STK3: variants seen among roughly 807,000 people sequenced by gnomAD.
STK3 encodes serine/threonine kinase 3, also known as serine/threonine-protein kinase 3.
A neutral mutation model predicts 58.0 loss-of-function variants in STK3; 41 were observed. The ratio of observed to expected loss-of-function variants is 0.71; its 90% confidence interval spans 0.55 to 0.92. The LOEUF is 0.92. Ranked by LOEUF, STK3 falls within the 40% of genes least tolerant of loss-of-function variation. STK3 has a pLI of 0.00. For missense variants in STK3, 479 were observed against 602.7 expected, an observed-to-expected ratio of 0.79 and a Z score of 2.15; for synonymous variants, 170 against 191.0, an observed-to-expected ratio of 0.89 and a Z score of 0.91.
intron 1 of STK3, among the ~76,000 whole-genome samples, chr8:98,925,656 T>C (rs1839761494): frequency 6.6e-6 from 1 of 152,198 alleles, no homozygotes; most frequent in African/African-American, 2.4e-5. Context: ...GTTGTATTGT[T>C]GTTGGCCCAA....
intron 7 of STK3, among the ~76,000 whole-genome samples, chr8:98,588,458 T>G (rs374533586): frequency 3.3e-5 from 5 of 151,444 alleles, no homozygotes; most frequent in African/African-American, 1.2e-4. Flanking sequence ...GGGTTTCTGC[T>G]GAGAGATCCG....
intron 3 of STK3, among the ~76,000 whole-genome samples, chr8:98,848,060 T>C (rs1836278761): frequency 6.6e-6 from 1 of 152,192 alleles, no homozygotes; most frequent in African/African-American, 2.4e-5. Context: ...TATAGAGATA[T>C]AATTTCCATG....
At chr8:98,641,530 CAT>C (rs886742914) in intron 6 of STK3, among the ~76,000 whole-genome samples, 2 of 152,256 alleles carry the variant, frequency 1.3e-5, no homozygotes, top group South Asian at 2.1e-4. Flanking sequence ...TAGTGCTTAA[CAT>C]ATATTAGTGA....
chr8:98,806,681 A>G (rs1220556764), intron 1 of STK3, among the ~76,000 whole-genome samples: 3 of 152,270 alleles, frequency 2.0e-5, no homozygotes, highest in East Asian at 3.9e-4. Context: ...TTTCCCAAGT[A>G]TCCTCACAAT....
At chr8:98,492,979 C>T (rs1430609045) in intron 10 of STK3, among the ~76,000 whole-genome samples, 2 of 152,002 alleles carry the variant, frequency 1.3e-5, no homozygotes, top group Non-Finnish European at 2.9e-5. Context: ...ACCTGTAATC[C>T]CAGCACTTTG....
At chr8:98,738,630 C>T (rs1340563206) in intron 4 of STK3, among the ~76,000 whole-genome samples, 1 of 152,168 alleles carries the variant, frequency 6.6e-6, no homozygotes, top group African/African-American at 2.4e-5. Flanking sequence ...TGAATAGGAA[C>T]AGCTCTGGTC....
intron 2 of STK3, among the ~76,000 whole-genome samples, chr8:98,372,965 C>G (rs1190558536): frequency 6.6e-6 from 1 of 152,168 alleles, no homozygotes; most frequent in Non-Finnish European, 1.5e-5. Context: ...ATCAGTCTTA[C>G]TCTGGTTATA....
intron 6 of STK3, among the ~76,000 whole-genome samples, chr8:98,672,439 T>C (rs1401691799): frequency 1.3e-5 from 2 of 152,332 alleles, no homozygotes; most frequent in African/African-American, 2.4e-5. Flanking sequence ...ATCTTTTCTA[T>C]AGAATCATAT....
At position 98,526,780 on chromosome 8, in the gene STK3, C is replaced by T; in HGVS notation, c.1279G>A (p.Asp427Asn). 1 of 1,581,818 alleles carries T rather than the reference C, an allele frequency of 6.3e-7. No homozygotes were observed. Among genetic ancestry groups the T allele is most frequent in the Non-Finnish European group, 8.6e-7 (1 of 1,162,616 alleles). ...CCATCTTGAGGAACTTTCCAGTTAT[C>T]AGGAAAAACGTTTTTGGACATAGGG... ...PFPMSKNVFP[D>N]NWKVPQDGDF... Residue 427 changes from aspartate to asparagine, a missense_variant, in exon 10 of 11, where the codon GAT (aspartate) becomes AAT (asparagine). Physicochemically the swap from Asp to Asn is conservative, Grantham distance 23. Transcript: ENST00000419617.
At chr8:98,522,472 C>T (rs1563696798) in intron 10 of STK3, among the ~76,000 whole-genome samples, 2 of 152,110 alleles carry the variant, frequency 1.3e-5, no homozygotes, top group Non-Finnish European at 2.9e-5. Context: ...GACTAGACTT[C>T]TGACATATTT....
At chr8:98,561,490 C>A (rs896976431) in intron 8 of STK3, among the ~76,000 whole-genome samples, 1 of 151,956 alleles carries the variant, frequency 6.6e-6, no homozygotes, top group African/African-American at 2.4e-5. Context: ...TGGAAAAAAG[C>A]TGGTATCATC....
At chr8:98,789,250 T>C (rs1050854099) in intron 1 of STK3, among the ~76,000 whole-genome samples, 1 of 152,154 alleles carries the variant, frequency 6.6e-6, no homozygotes, top group Non-Finnish European at 1.5e-5. Context: ...ACCTCTGGGA[T>C]ACAGCAAGGC....
At chr8:98,622,581 C>T (rs1465986947) in intron 6 of STK3, among the ~76,000 whole-genome samples, 1 of 152,072 alleles carries the variant, frequency 6.6e-6, no homozygotes, top group Non-Finnish European at 1.5e-5. Flanking sequence ...ATCAAATTAT[C>T]GAGGACCGAG....
intron 10 of STK3, among the ~76,000 whole-genome samples, chr8:98,461,559 G>T (rs1411879352): frequency 6.6e-6 from 1 of 152,136 alleles, no homozygotes; most frequent in African/African-American, 2.4e-5. Flanking sequence ...TTTCTTCATT[G>T]TGTTATTGTA....
At chr8:98,368,379 A>G (rs915225812), downstream of STK3, among the ~76,000 whole-genome samples, 47 of 152,300 alleles carry the variant, frequency 3.1e-4, no homozygotes, top group African/African-American at 1.1e-3. Context: ...CCCCCATAAC[A>G]TGTCTACATG....
chr8:98,722,098 T>TA (rs1827471388), intron 4 of STK3, among the ~76,000 whole-genome samples: 1 of 151,710 alleles, frequency 6.6e-6, no homozygotes, highest in Non-Finnish European at 1.5e-5. Context: ...AAGCTTTAAA[T>TA]AAAAAAAGTA....
At chr8:98,438,236 A>T (rs1818562009) in intron 1 of STK3, 1 of 152,044 alleles carries the variant, frequency 6.6e-6, no homozygotes, top group African/African-American at 2.4e-5. Context: ...AAGCCTTTTC[A>T]GTCAAACTGA....
chr8:98,562,954 T>C (rs1187289077), intron 8 of STK3, among the ~76,000 whole-genome samples: 3 of 143,954 alleles, frequency 2.1e-5, no homozygotes, highest in East Asian at 4.0e-4. Flanking sequence ...ACCCAATGTA[T>C]GCAAAATTAA....
chr8:98,498,334 A>G (rs1823305617), intron 10 of STK3, among the ~76,000 whole-genome samples: 1 of 152,046 alleles, frequency 6.6e-6, no homozygotes, highest in Non-Finnish European at 1.5e-5. Context: ...AACTCTCAGT[A>G]AGTTGCTAAT....
Sources: gnomAD v4.1 joint callset for allele counts (sites outside exome capture counted in the v4.1 genomes callset) on GRCh38, gnomAD v4.1.1 for gene constraint, MANE v1.5 for transcripts, NCBI Gene and HGNC (gene_info 2026-07-23, HGNC 2026-07-21) for gene names.